ZBTB43: variants seen among roughly 807,000 people sequenced by gnomAD.
ZBTB43 encodes zinc finger and BTB domain containing 43, also known as zinc finger and BTB domain-containing protein 43.
Under a neutral mutation model 31.1 loss-of-function variants are expected in ZBTB43, and 6 were observed. The observed-to-expected ratio is 0.19, with a 90% CI of 0.11 to 0.38. The LOEUF is 0.38. Ranked by LOEUF, ZBTB43 falls within the 10% of genes least tolerant of loss-of-function variation. The probability of loss-of-function intolerance (pLI) is 1.00; values close to 1 mark genes in which losing one functional copy is unlikely to be tolerated. For synonymous variants in ZBTB43, 212 were observed against 221.7 expected (o/e 0.96, Z 0.39); for missense variants, 379 against 602.1 (o/e 0.63, Z 3.88).
rs145932561 is a variant in ZBTB43, at chr9:126,832,960, C to G, written c.451C>G (p.Leu151Val). The G allele has an allele frequency of 2.5e-3, 3,973 of 1,613,610 alleles. 13 individuals are homozygous for G. The highest frequency in any genetic ancestry group is 3.0e-3 in the Non-Finnish European group (3,500 of 1,180,018). ...QSPSSSSYNG[L>V]VESFELGSGG... ...ACCAAGCAGCAGTAGTTATAATGGCCTGGTAGAGAGCTTTGAGCTGGGCTC... is the reference window on the plus strand; with the variant it reads ...ACCAAGCAGCAGTAGTTATAATGGCGTGGTAGAGAGCTTTGAGCTGGGCTC... Residue 151 changes from leucine to valine, a missense_variant, in exon 3 of 3, where the codon CTG becomes GTG. Physicochemically the swap from Leu to Val is conservative, Grantham distance 32. Coordinates refer to ENST00000373464, the MANE Select transcript of ZBTB43 (RefSeq NM_014007.4).
At chr9:126,817,458 G>A (rs1463665878) in intron 2 of ZBTB43, among the ~76,000 whole-genome samples, 4 of 147,390 alleles carry the variant, frequency 2.7e-5, no homozygotes, top group African/African-American at 7.5e-5. Context: ...ATAATACATT[G>A]AATATAATGT....
In ZBTB43 at chr9:126,832,498, A is replaced by C; in HGVS notation, c.-12A>C. 6.3e-7 allele frequency: 1 copy of C among 1,595,820 alleles called. No homozygotes were observed. Among genetic ancestry groups the C allele is most frequent in the South Asian group, 1.1e-5 (1 of 89,644 alleles). The stretch of plus-strand genomic sequence containing the variant: ...TCTTTCTCTTGTAGCACCGAACAAG[A>C]TTTGTGATGAAATGGAGCCTGGAAC... On this transcript the variant is annotated 5_prime_UTR_variant, in exon 3 of 3. Coordinates refer to ENST00000373464, the MANE Select transcript of ZBTB43 (RefSeq NM_014007.4).
intron 2 of ZBTB43, among the ~76,000 whole-genome samples, chr9:126,812,812 G>A (rs930529721): frequency 6.6e-6 from 1 of 152,080 alleles, no homozygotes; most frequent in Non-Finnish European, 1.5e-5. Flanking sequence ...CTGGATGCAA[G>A]TCACTCATTA....
intron 2 of ZBTB43, among the ~76,000 whole-genome samples, chr9:126,820,897 G>A (rs999842081): frequency 2.7e-5 from 4 of 147,574 alleles, no homozygotes; most frequent in African/African-American, 1.0e-4. Context: ...GAGCCAGAGA[G>A]TCGAGGCTGC....
At chr9:126,826,666 G>A (rs749223310) in intron 2 of ZBTB43, among the ~76,000 whole-genome samples, 4 of 150,886 alleles carry the variant, frequency 2.7e-5, no homozygotes, top group African/African-American at 4.9e-5. Flanking sequence ...GGGTTTCACC[G>A]TGTTAGCCAG....
At chr9:126,830,293 A>G (rs140641231) in intron 2 of ZBTB43, among the ~76,000 whole-genome samples, 43 of 152,308 alleles carry the variant, frequency 2.8e-4, no homozygotes, top group Non-Finnish European at 5.7e-4. Context: ...ATCTCTCCCT[A>G]TCCCTCGAAG....
rs577696231 is a variant in ZBTB43 at position 126,805,851 on chromosome 9, T to G, written c.-147+719T>G. Among the ~76,000 whole-genome samples the G allele has an allele frequency of 3.0e-3, 427 of 144,678 alleles. 1 individual carries two copies. The highest frequency in any genetic ancestry group is 4.6e-3 in the Admixed American group (70 of 15,218). 94.9% of individuals were successfully genotyped at this position (144,678 alleles called of 152,430 possible). A position where few individuals can be genotyped will look rare whatever the true frequency, so the allele number is the denominator to read the frequency against. On this transcript the variant is annotated intron_variant, in intron 1 of 2. Coordinates refer to ENST00000373464, the MANE Select transcript of ZBTB43 (RefSeq NM_014007.4). The stretch of plus-strand genomic sequence containing the variant: ...ACTTTGTTTTTGCCTCTTGTCTCTC[T>G]TTCCTGAGTTTGGGTGGGGCAGGGC...
In ZBTB43 at chr9:126,820,000, G is replaced by A. The variant is rs182565408; in HGVS notation, c.-24+11085G>A. Among the ~76,000 whole-genome samples the A allele has an allele frequency of 3.9e-5, 6 of 152,304 alleles. No individual in the cohort carries two copies. The East Asian group carries it at 1.2e-3, about 29-fold the overall frequency. On this transcript the variant is annotated intron_variant, in intron 2 of 2. Coordinates refer to ENST00000373464, the MANE Select transcript of ZBTB43 (RefSeq NM_014007.4). ...CTCTCTTCATTTCTCTGAACACTGTGAGAGAGGTGAGGAAACTGCAGAAGA... is the reference window on the plus strand; with the variant it reads ...CTCTCTTCATTTCTCTGAACACTGTAAGAGAGGTGAGGAAACTGCAGAAGA...
chr9:126,828,735 G>C (rs2032705956), intron 2 of ZBTB43, among the ~76,000 whole-genome samples: 1 of 150,468 alleles, frequency 6.6e-6, no homozygotes, highest in Non-Finnish European at 1.5e-5. Context: ...AAGAGTAAAA[G>C]CAAAGAGTAC....
rs1280244543 is a variant in ZBTB43, at chr9:126,832,529, C to G, written c.20C>G (p.Ser7Cys). 6.2e-7 allele frequency: 1 copy of G among 1,607,804 alleles called. No individual in the cohort carries two copies. The highest frequency in any genetic ancestry group is 2.2e-5 in the East Asian group (1 of 44,654). ...GATGAAATGGAGCCTGGAACAAACT[C>G]TTTTCGGGTAGAATTTCCTGATTTT... is the stretch of plus-strand genomic sequence containing the variant. MEPGTN[S>C]FRVEFPDFSS... The change falls in exon 3 of 3, where the codon TCT becomes TGT. Residue 7 changes from serine to cysteine, a missense_variant. By Grantham distance (112) the Ser-to-Cys change is moderately radical (BLOSUM62 -1). Transcript: ENST00000373464.
At chr9:126,815,274 A>ATATATATATAGTTTTCAATATATAAAAC (rs1260753831) in intron 2 of ZBTB43, among the ~76,000 whole-genome samples, 287 of 16,398 alleles carry the variant, frequency 0.018, 25 homozygotes, top group African/African-American at 0.046. Context: ...ATATAAAACT[A>ATATATATATAGTTTTCAATATATAAAAC]TATATATATA....
chr9:126,828,670 A>ATTG (rs2032704371), intron 2 of ZBTB43, among the ~76,000 whole-genome samples: 1 of 146,630 alleles, frequency 6.8e-6, no homozygotes, highest in South Asian at 2.1e-4. Context: ...TATTATTATT[A>ATTG]TTATTATTTT....
chr9:126,814,126 T>C (rs2032308411), intron 2 of ZBTB43, among the ~76,000 whole-genome samples: 1 of 152,128 alleles, frequency 6.6e-6, no homozygotes, highest in African/African-American at 2.4e-5. Context: ...TAAAGAGGGA[T>C]ACTTATATTT....
chr9:126,813,660 T>C (rs964406105), intron 2 of ZBTB43, among the ~76,000 whole-genome samples: 1 of 152,208 alleles, frequency 6.6e-6, no homozygotes, highest in African/African-American at 2.4e-5. Flanking sequence ...ATCATACTTA[T>C]GATGTACCAA....
At chr9:126,811,222 A>C (rs1311619676) in intron 2 of ZBTB43, among the ~76,000 whole-genome samples, 1 of 149,900 alleles carries the variant, frequency 6.7e-6, no homozygotes, top group Non-Finnish European at 1.5e-5. Flanking sequence ...CATCTCAAAA[A>C]AAAAAAAAAA....
In ZBTB43 at chr9:126,833,580, T is replaced by C. The variant is rs2032817749; in HGVS notation, c.1071T>C (p.Ile357=). The C allele has an allele frequency of 5.6e-6, 9 of 1,614,034 alleles. No homozygotes were observed. Among genetic ancestry groups the C allele is most frequent in the Non-Finnish European group, 7.6e-6 (9 of 1,179,978 alleles). ...YSENIEMVTG[I]KEEASHLGFS... Reference sequence around the variant, plus strand: ...AGAATATTGAAATGGTAACAGGGATTAAAGAAGAAGCTTCCCACTTAGGAT... The same window carrying C: ...AGAATATTGAAATGGTAACAGGGATCAAAGAAGAAGCTTCCCACTTAGGAT... The change falls in exon 3 of 3, where the codon ATT becomes ATC. Residue 357 remains isoleucine, a synonymous_variant. Transcript: ENST00000373464. The surrounding 1 kb of genome is among the most constrained non-coding windows in gnomAD (Gnocchi z 7.9).
intron 1 of ZBTB43, among the ~76,000 whole-genome samples, 180 bp downstream of exon 1, chr9:126,805,312 C>A (rs560648255): frequency 2.6e-5 from 4 of 152,346 alleles, no homozygotes; most frequent in Admixed American, 2.0e-4. Context: ...GCTCCGAATC[C>A]CGCAGTCTTC....
chr9:126,826,755 C>T (rs9695223), intron 2 of ZBTB43, among the ~76,000 whole-genome samples: 17,425 of 152,028 alleles, frequency 0.11, 3,093 homozygotes, highest in African/African-American at 0.38. Flanking sequence ...TGAGCCACCA[C>T]GCCCGACCTC....
intron 2 of ZBTB43, among the ~76,000 whole-genome samples, chr9:126,810,656 A>G (rs1481074361): frequency 2.6e-5 from 4 of 151,548 alleles, no homozygotes; most frequent in Non-Finnish European, 5.9e-5. Flanking sequence ...ATGGGCCACC[A>G]TGCACAGCTA....
Sources: allele counts gnomAD v4.1 joint callset (sites outside exome capture counted in the v4.1 genomes callset), GRCh38; gene constraint gnomAD v4.1.1; non-coding constraint Gnocchi (gnomAD v3.1); transcripts MANE v1.5; gene names NCBI Gene and HGNC (gene_info 2026-07-23, HGNC 2026-07-21).